The following CUX1 variants were observed in gnomAD, a reference collection of about 807,000 sequenced individuals.
The protein encoded by CUX1 is cut like homeobox 1.
A neutral mutation model predicts 158.8 loss-of-function variants in CUX1; 31 were observed. That is an observed-to-expected ratio of 0.20 (90% CI 0.15 to 0.26). The LOEUF (loss-of-function observed/expected upper bound fraction) is 0.26, where lower values mean the gene tolerates loss of function less well. Ranked by LOEUF, CUX1 falls within the 10% of genes least tolerant of loss-of-function variation. CUX1 has a pLI of 1.00. For missense variants in CUX1, 1,589 were observed against 2,014.6 expected (o/e 0.79, Z 4.04); for synonymous variants, 879 against 862.1 (o/e 1.02, Z -0.34).
At chr7:102,155,244 T>C (rs1288769269) in intron 8 of CUX1, among the ~76,000 whole-genome samples, 1 of 151,996 alleles carries the variant, frequency 6.6e-6, no homozygotes, top group African/African-American at 2.4e-5. Flanking sequence ...CAAAATTGTG[T>C]TTAAAACTTG....
In CUX1 at chr7:102,252,380, G is replaced by T. The variant is rs2132661954; in HGVS notation, c.*3338G>T. On this transcript the variant is annotated 3_prime_UTR_variant, in exon 24 of 24. Transcript: ENST00000292535. ...GCATTCCAAGCAGTGGCCCCCGCAG[G>T]CAGCCGACCCCCTTCCTCTTCACGC... The T allele has an allele frequency of 2.0e-6, 2 of 985,274 alleles. No individual in the cohort carries two copies. Among genetic ancestry groups the T allele is most frequent in the Non-Finnish European group, 2.4e-6 (2 of 829,940 alleles). 61.0% of individuals were successfully genotyped at this position (985,274 alleles called of 1,614,324 possible). A position where few individuals can be genotyped will look rare whatever the true frequency, so the allele number is the denominator to read the frequency against.
At chr7:102,197,430 C>T in intron 15 of CUX1, 125 bp downstream of exon 15, 1 of 1,187,062 alleles carries the variant, frequency 8.4e-7, no homozygotes, top group South Asian at 1.4e-5. Context: ...AGGTAAAGTT[C>T]TCTTTGCTTC....
chr7:102,093,604 G>A (rs939256403), intron 4 of CUX1, among the ~76,000 whole-genome samples: 16 of 152,250 alleles, frequency 1.1e-4, no homozygotes, highest in African/African-American at 3.9e-4. Context: ...AGCGGGCTCC[G>A]CCAGCCTCTG....
At chr7:102,148,857 C>T (rs190459086) in intron 8 of CUX1, among the ~76,000 whole-genome samples, 8 of 151,848 alleles carry the variant, frequency 5.3e-5, no homozygotes, top group South Asian at 2.1e-4. Flanking sequence ...ACCCTTTCCC[C>T]GCAAGTCCCC....
At chr7:102,246,590 G>C (rs1554537036) in intron 23 of CUX1, among the ~76,000 whole-genome samples, 1 of 148,636 alleles carries the variant, frequency 6.7e-6, no homozygotes, top group Non-Finnish European at 1.5e-5. Context: ...TTTTTCCCTT[G>C]AGACAGGATC....
chr7:102,002,894 T>C lies in CUX1; in HGVS notation c.142-25204T>C, dbSNP rs539135538. On this transcript the variant is annotated intron_variant, in intron 2 of 23. Transcript: ENST00000292535. ...GCTGCTACTGTCTGCAGAGAGACTC[T>C]TTTTATTTTTATTTATTTATTTTTT... 2.0e-5 allele frequency among the ~76,000 whole-genome samples: 3 copies of C among 152,140 alleles called. No homozygotes were observed. The South Asian group carries it at 6.2e-4, about 32-fold the overall frequency.
intron 3 of CUX1, among the ~76,000 whole-genome samples, chr7:102,042,904 T>A (rs979966347): frequency 6.6e-6 from 1 of 151,452 alleles, no homozygotes; most frequent in Non-Finnish European, 1.5e-5. Flanking sequence ...ATCTTCCTGC[T>A]TCAGCCTCCC....
At chr7:101,832,809 C>T (rs773096502) in intron 1 of CUX1, among the ~76,000 whole-genome samples, 51 of 152,250 alleles carry the variant, frequency 3.3e-4, no homozygotes, top group Non-Finnish European at 6.2e-4. Context: ...CTGGGCGCGT[C>T]GGAGCGGCTG....
intron 12 of CUX1, among the ~76,000 whole-genome samples, chr7:102,193,175 G>T (rs201757876): frequency 6.6e-5 from 10 of 152,248 alleles, no homozygotes; most frequent in Admixed American, 6.5e-4. Flanking sequence ...TGAGGTGTGG[G>T]CAGTGGCCGC....
At chr7:102,191,257 G>A (rs1387199080) in intron 12 of CUX1, among the ~76,000 whole-genome samples, 1 of 152,176 alleles carries the variant, frequency 6.6e-6, no homozygotes, top group Non-Finnish European at 1.5e-5. Context: ...TTATTTGACA[G>A]AGTTTAGCTC....
At chr7:102,017,831 A>G (rs1273443387) in intron 2 of CUX1, among the ~76,000 whole-genome samples, 1 of 152,222 alleles carries the variant, frequency 6.6e-6, no homozygotes, top group Non-Finnish European at 1.5e-5. Context: ...TGGGCAACAG[A>G]GCGAGACTCT....
chr7:102,194,093 G>T, intron 13 of CUX1: 1 of 648,672 alleles, frequency 1.5e-6, no homozygotes, highest in Non-Finnish European at 2.7e-6. Context: ...TCCAAGGCAT[G>T]AACCAGGCAT....
rs185068602 is a variant in CUX1, at chr7:102,276,130, C to T, written c.1563+771C>T. Reference sequence around the variant, plus strand: ...CATTGCTTCCACCTTTTGGCTGTGGCGGATAATTCTGCTGTGAACATGGGT... The same window carrying T: ...CATTGCTTCCACCTTTTGGCTGTGGTGGATAATTCTGCTGTGAACATGGGT... On this transcript the variant is annotated intron_variant, in intron 17 of 22. Transcript: ENST00000292538. Among the ~76,000 whole-genome samples, 779 of 152,194 alleles carry T rather than the reference C, an allele frequency of 5.1e-3. 10 individuals carry two copies. The highest frequency in any genetic ancestry group is 0.018 in the African/African-American group (740 of 41,494).
Position 101,973,337 on chromosome 7 carries a change from C to G in CUX1, c.142-54761C>G, listed in dbSNP as rs142097880. 1.3e-3 allele frequency among the ~76,000 whole-genome samples: 202 copies of G among 152,260 alleles called. 1 individual carries two copies. The highest frequency in any genetic ancestry group is 0.01 in the Middle Eastern group (3 of 294). ...ACTCATCTCACACTCACGTTCATCA[C>G]GGCTCCCAGAAGGCACGTGTTTTTA... On this transcript the variant is annotated intron_variant, in intron 2 of 23. Transcript: ENST00000292535.
intron 7 of CUX1, among the ~76,000 whole-genome samples, chr7:102,114,575 T>A (rs1554491236): frequency 6.6e-6 from 1 of 152,152 alleles, no homozygotes; most frequent in Admixed American, 6.5e-5. Flanking sequence ...AATAATAAAA[T>A]ACACCTTAAA....
intron 6 of CUX1, among the ~76,000 whole-genome samples, chr7:102,110,427 CAT>C (rs1261693648): frequency 2.0e-5 from 3 of 152,092 alleles, no homozygotes; most frequent in African/African-American, 7.2e-5. Flanking sequence ...TAGCATGTTA[CAT>C]ATTAGTTTGT....
chr7:102,282,950 C>T lies in CUX1; in HGVS notation c.1968-71C>T. On this transcript the variant is annotated intron_variant, in intron 22 of 22. Transcript: ENST00000292538. ...TATCCACTACCCCCTAGCCCCACCCCATCACATGGTACACACCCCCCTTCC... is the reference window on the plus strand; with the variant it reads ...TATCCACTACCCCCTAGCCCCACCCTATCACATGGTACACACCCCCCTTCC... 3.5e-6 allele frequency: 4 copies of T among 1,134,372 alleles called. No individual in the cohort carries two copies. The South Asian group carries it at 5.1e-5, about 14-fold the overall frequency. The allele number at this position is 1,134,372 out of a possible 1,614,324, so 70.3% of individuals were successfully genotyped here. A position where few individuals can be genotyped will look rare whatever the true frequency, so the allele number is the denominator to read the frequency against.
chr7:102,201,853 G>A lies in CUX1; in HGVS notation c.2556G>A (p.Lys852=), dbSNP rs1563398809. 1.9e-6 allele frequency: 3 copies of A among 1,613,262 alleles called. No individual in the cohort carries two copies. The African/African-American group carries it at 4.0e-5, about 22-fold the overall frequency. The change falls in exon 18 of 24, where the codon AAG becomes AAA. Residue 852 remains lysine (K), a synonymous_variant. Coordinates refer to ENST00000292535, the MANE Select transcript of CUX1 (RefSeq NM_181552.4). This position sits in a 1 kb window ranked among gnomAD's most constrained non-coding sequence, Gnocchi z 5.0. The part of the protein sequence containing the change: ...KAEETGGGKE[K]GSGGSGGGSQ... ...AAGAAACGGGCGGCGGGAAAGAGAA[G>A]GGCAGCGGTGGCAGCGGAGGTGGCA...
chr7:102,083,880 C>G (rs1410940718), intron 4 of CUX1, among the ~76,000 whole-genome samples: 6 of 146,456 alleles, frequency 4.1e-5, no homozygotes, highest in African/African-American at 1.5e-4. Flanking sequence ...TTTAAAAAAT[C>G]TACAATGTTT....
Sources: gnomAD v4.1 joint callset for allele counts (sites outside exome capture counted in the v4.1 genomes callset) on GRCh38, gnomAD v4.1.1 for gene constraint, Gnocchi (gnomAD v3.1) non-coding constraint, MANE v1.5 for transcripts, NCBI Gene and HGNC (gene_info 2026-07-23, HGNC 2026-07-21) for gene names.